The following MAN2A2 variants were observed in gnomAD, a reference collection of about 807,000 sequenced individuals.
MAN2A2 encodes mannosidase alpha class 2A member 2.
In MAN2A2, 79 loss-of-function variants were observed where a neutral mutation model predicts 126.8. The observed-to-expected ratio is 0.62, with a 90% CI of 0.52 to 0.75. MAN2A2 has a LOEUF of 0.75. Among genes scored for constraint, MAN2A2 ranks in the 30% least tolerant of loss-of-function variants. MAN2A2 has a pLI of 0.00. For synonymous variants in MAN2A2, 671 were observed against 618.7 expected, an observed-to-expected ratio of 1.08 and a Z score of -1.25; for missense variants, 1,392 against 1,522.4, an observed-to-expected ratio of 0.91 and a Z score of 1.43.
rs149246248 is a variant in MAN2A2, at chr15:90,912,171, C to T, written c.2238C>T (p.Ser746=). Residue 746 remains serine, a synonymous_variant, in exon 15 of 23, where the codon AGC becomes AGT. Coordinates refer to ENST00000559717, the MANE Select transcript of MAN2A2 (RefSeq NM_006122.4). Reference sequence around the variant, plus strand: ...TGCACGGCCGGCAGCTGTCCGTCAGCAGGCACGAAGCGTTTCCTCTCCGTG... The same window carrying T: ...TGCACGGCCGGCAGCTGTCCGTCAGTAGGCACGAAGCGTTTCCTCTCCGTG... ...IYLHGRQLSV[S]RHEAFPLRVI... The T allele has an allele frequency of 4.3e-6, 7 of 1,613,958 alleles. No individual in the cohort carries two copies. The highest frequency in any genetic ancestry group is 5.9e-6 in the Non-Finnish European group (7 of 1,179,992).
At chr15:90,914,856 G>C (rs913488134) in intron 19 of MAN2A2, among the ~76,000 whole-genome samples, 1 of 152,230 alleles carries the variant, frequency 6.6e-6, no homozygotes, top group Admixed American at 6.5e-5. Context: ...GGCATGGGGA[G>C]CACTGGCCTG....
rs1567133018 is a variant in MAN2A2, at chr15:90,916,803, A to G, written c.2994+547A>G. The G allele has an allele frequency of 1.4e-5, 8 of 557,206 alleles. No homozygotes were observed. In the East Asian group the frequency reaches 2.7e-4, roughly 19 times the overall value. The allele number at this position is 557,206 out of a possible 1,614,324, so 34.5% of individuals were successfully genotyped here. On this transcript the variant is annotated intron_variant, in intron 20 of 22. Coordinates refer to ENST00000559717, the MANE Select transcript of MAN2A2 (RefSeq NM_006122.4). ...CTTTACTGTGAGGACCCAGAGGGACATAAGTGCAGACAGTGCTGACTCTCC... is the reference window on the plus strand; with the variant it reads ...CTTTACTGTGAGGACCCAGAGGGACGTAAGTGCAGACAGTGCTGACTCTCC...
chr15:90,917,175 C>T (rs1353538621), intron 20 of MAN2A2, among the ~76,000 whole-genome samples: 1 of 152,234 alleles, frequency 6.6e-6, no homozygotes, highest in Non-Finnish European at 1.5e-5. Flanking sequence ...TTCCTACTGA[C>T]CACACTTCAA....
At chr15:90,911,861 A>G in intron 14 of MAN2A2, 182 bp from the exon 15 acceptor site, 2 of 657,516 alleles carry the variant, frequency 3.0e-6, no homozygotes, top group Admixed American at 5.0e-5. Context: ...TTCAAATATC[A>G]CTTGAGAATC....
intron 12 of MAN2A2, 70 bp from the exon 13 acceptor site, chr15:90,911,101 C>T: frequency 7.1e-6 from 11 of 1,559,490 alleles, no homozygotes; most frequent in Non-Finnish European, 8.8e-6. Flanking sequence ...CTGGTCCACA[C>T]CTGGGACAGG....
At chr15:90,908,539 TTA>T (rs2151300816) in intron 8 of MAN2A2, among the ~76,000 whole-genome samples, 1 of 152,284 alleles carries the variant, frequency 6.6e-6, no homozygotes, top group East Asian at 1.9e-4. Context: ...TTCTAAGTGT[TTA>T]ACAAATATTC....
intron 20 of MAN2A2, 53 bp from the exon 21 acceptor site, chr15:90,918,141 C>T (rs2035328524): frequency 1.3e-6 from 2 of 1,541,724 alleles, no homozygotes; most frequent in African/African-American, 2.7e-5. Context: ...GCCTCGTCCT[C>T]TCCCCTCAGC....
chr15:90,904,349 G>T lies in MAN2A2; in HGVS notation c.132+10G>T, dbSNP rs1596134222. 1 of 1,611,772 alleles carries T rather than the reference G, an allele frequency of 6.2e-7. No individual in the cohort carries two copies. Among genetic ancestry groups the T allele is most frequent in the Non-Finnish European group, 8.5e-7 (1 of 1,178,208 alleles). The stretch of plus-strand genomic sequence containing the variant: ...TGGGAACTTCCCCCGGGTGAGTCGT[G>T]CCTGGTTGCTAATTTCTTTGTATAC... On this transcript the variant is annotated intron_variant, in intron 2 of 22. Coordinates refer to ENST00000559717, the MANE Select transcript of MAN2A2 (RefSeq NM_006122.4).
intron 21 of MAN2A2, 49 bp downstream of exon 21, chr15:90,918,437 C>T (rs770293245): frequency 9.6e-6 from 15 of 1,570,286 alleles, no homozygotes; most frequent in Admixed American, 1.7e-5. Context: ...CTGATGGTGT[C>T]CCTCCCTGCT....
At position 90,909,507 on chromosome 15, in the gene MAN2A2, G is replaced by A. The variant is rs1470834323; in HGVS notation, c.1374+3G>A. 6.2e-7 allele frequency: 1 copy of A among 1,608,382 alleles called. No homozygotes were observed. The stretch of plus-strand genomic sequence containing the variant: ...GCAGGCCTAACCTCCATGTGCAGGT[G>A]TGAGGGGCACTTGACTGGGGAGGGG... On this transcript the variant is annotated splice_donor_region_variant and intron_variant, in intron 9 of 22. Coordinates refer to ENST00000559717, the MANE Select transcript of MAN2A2 (RefSeq NM_006122.4).
At position 90,912,067 on chromosome 15, in the gene MAN2A2, G is replaced by T; in HGVS notation, c.2134G>T (p.Ala712Ser). The stretch of plus-strand genomic sequence containing the variant: ...GGTGTCTGTGCCTGTCCGCCTGCCA[G>T]CCCTGGGCCTGGGCGTGCTGCAGCT... ...YQVSVPVRLP[A>S]LGLGVLQLQL... The change falls in exon 15 of 23, where the codon GCC (alanine) becomes TCC (serine). Residue 712 changes from alanine (A) to serine (S), a missense_variant. Transcript: ENST00000559717. 1 of 1,612,778 alleles carries T rather than the reference G, an allele frequency of 6.2e-7. No homozygotes were observed.
At chr15:90,918,802 C>T in intron 22 of MAN2A2, 47 bp downstream of exon 22, 1 of 1,321,630 alleles carries the variant, frequency 7.6e-7, no homozygotes, top group Non-Finnish European at 1.1e-6. Flanking sequence ...CAGGCATGAG[C>T]TTGGTAAGAC....
chr15:90,905,333 A>G lies in MAN2A2; in HGVS notation c.215A>G (p.Lys72Arg). ...AACCATGAGATTATCAGCCATATCA[A>G]GGACTCCGTGCTGGAGCTGACAGCC... ...EENHEIISHI[K>R]DSVLELTANA... Residue 72 changes from lysine to arginine, a missense_variant, in exon 3 of 23, where the codon AAG becomes AGG. Coordinates refer to ENST00000559717, the MANE Select transcript of MAN2A2 (RefSeq NM_006122.4). 1 of 1,613,952 alleles carries G rather than the reference A, an allele frequency of 6.2e-7. No homozygotes were observed.
chr15:90,918,631 T>C lies in MAN2A2; in HGVS notation c.3190-14T>C, dbSNP rs751735155. The stretch of plus-strand genomic sequence containing the variant: ...GCCCTGCGCCCACTTCCCTGGGCAC[T>C]GTCTGTCATCCAGGAGGACACCCTA... On this transcript the variant is annotated splice_polypyrimidine_tract_variant and intron_variant, in intron 21 of 22. Coordinates refer to ENST00000559717, the MANE Select transcript of MAN2A2 (RefSeq NM_006122.4). 1.3e-6 allele frequency: 2 copies of C among 1,497,340 alleles called. No individual in the cohort carries two copies. The highest frequency in any genetic ancestry group is 1.9e-6 in the Non-Finnish European group (2 of 1,075,356). 92.8% of individuals were successfully genotyped at this position (1,497,340 alleles called of 1,614,324 possible). A position where few individuals can be genotyped will look rare whatever the true frequency, so the allele number is the denominator to read the frequency against.
Position 90,910,578 on chromosome 15 carries a change from A to G in MAN2A2, c.1655A>G (p.Asp552Gly). ...CTGGCTGGCCGGTACCCACTGTCTG[A>G]TTTCACCCTCCTGACGGAAGCTCGG... ...SGLAGRYPLS[D>G]FTLLTEARRT... The change falls in exon 11 of 23, where the codon GAT becomes GGT. Residue 552 changes from aspartate (D) to glycine (G), a missense_variant. By Grantham distance (94) the Asp-to-Gly change is moderately conservative (BLOSUM62 -1). Transcript: ENST00000559717. The G allele has an allele frequency of 6.2e-7, 1 of 1,613,976 alleles. No homozygotes were observed. The highest frequency in any genetic ancestry group is 8.5e-7 in the Non-Finnish European group (1 of 1,180,004).
At chr15:90,907,978 T>C (rs1281103997) in intron 8 of MAN2A2, among the ~76,000 whole-genome samples, 1 of 152,202 alleles carries the variant, frequency 6.6e-6, no homozygotes, top group Admixed American at 6.5e-5. Context: ...GGGAAAGTGT[T>C]AGGTAAGAGT....
Position 90,919,784 on chromosome 15 carries a change from T to A in MAN2A2, c.3450T>A (p.Gly1150=), listed in dbSNP as rs763377827. 5 of 1,614,104 alleles carry A rather than the reference T, an allele frequency of 3.1e-6. No individual in the cohort carries two copies. In the South Asian group the frequency reaches 5.5e-5, roughly 18 times the overall value. Residue 1150 remains glycine, a synonymous_variant, in exon 23 of 23, where the codon GGT becomes GGA. Coordinates refer to ENST00000559717, the MANE Select transcript of MAN2A2 (RefSeq NM_006122.4). ...TTGCTACCTTTCGCCTCCGCTTGGG[T>A]TAGGGCTTCTTGTGGCCTGAAGAGA... is the stretch of plus-strand genomic sequence containing the variant. The part of the protein sequence containing the change: ...MEIATFRLRL[G]
chr15:90,904,585 TTTTC>T (rs1453252569), intron 2 of MAN2A2, among the ~76,000 whole-genome samples: 2 of 140,814 alleles, frequency 1.4e-5, no homozygotes, highest in East Asian at 2.2e-4. Context: ...TCCTGAATTC[TTTTC>T]TTTCTTTTTT....
intron 5 of MAN2A2, 84 bp from the exon 6 acceptor site, chr15:90,906,286 G>C: frequency 6.4e-7 from 1 of 1,569,986 alleles, no homozygotes; most frequent in Non-Finnish European, 8.7e-7. Context: ...AGTGAGGCCA[G>C]TGCACACAGG....
Sources: gnomAD v4.1 joint callset for allele counts (sites outside exome capture counted in the v4.1 genomes callset) on GRCh38, gnomAD v4.1.1 for gene constraint, MANE v1.5 for transcripts, NCBI Gene and HGNC (gene_info 2026-07-23, HGNC 2026-07-21) for gene names.